UPB1: variants seen among roughly 807,000 people sequenced by gnomAD.
UPB1 encodes the protein beta-ureidopropionase.
Under a neutral mutation model 49.1 loss-of-function variants are expected in UPB1, and 40 were observed. The ratio of observed to expected loss-of-function variants is 0.81; its 90% CI spans 0.63 to 1.06. UPB1 has a LOEUF of 1.06. Among genes scored for constraint, UPB1 ranks in the 50% least tolerant of loss-of-function variants. The probability of loss-of-function intolerance (pLI) is 0.00; values close to 1 mark genes in which losing one functional copy is unlikely to be tolerated. For synonymous variants in UPB1, 207 were observed against 198.2 expected (o/e 1.04, Z -0.38); for missense variants, 499 against 505.9 (o/e 0.99, Z 0.13).
chr22:24,522,943 TAAAA>T (rs747503249), intron 8 of UPB1, among the ~76,000 whole-genome samples: 17 of 66,378 alleles, frequency 2.6e-4, no homozygotes, highest in East Asian at 1.9e-3. Context: ...AAATGCCACC[TAAAA>T]AAAAAAAAAA....
chr22:24,498,936 G>C (rs1046517333), intron 1 of UPB1, among the ~76,000 whole-genome samples: 2 of 152,206 alleles, frequency 1.3e-5, no homozygotes, highest in Non-Finnish European at 2.9e-5. Context: ...ATGTCCACCA[G>C]AGGGGATTTG....
At chr22:24,496,710 A>G (rs1317717395) in intron 1 of UPB1, among the ~76,000 whole-genome samples, 1 of 152,114 alleles carries the variant, frequency 6.6e-6, no homozygotes, top group Non-Finnish European at 1.5e-5. Context: ...AGCAGGTACA[A>G]AAGAGGGCGC....
In UPB1 at chr22:24,496,193, A is replaced by C. The variant is rs529394002; in HGVS notation, c.104+686A>C. Among the ~76,000 whole-genome samples the C allele has an allele frequency of 2.6e-5, 4 of 152,216 alleles. No homozygotes were observed. The South Asian group carries it at 8.3e-4, about 32-fold the overall frequency. ...AGACCGGCCTGGGCAACATAGTGAG[A>C]CACCCATCTCTATAAAGCATTTAAA... On this transcript the variant is annotated intron_variant, in intron 1 of 9. Coordinates refer to ENST00000326010, the MANE Select transcript of UPB1 (RefSeq NM_016327.3).
chr22:24,525,589 A>G (rs980880791), intron 9 of UPB1, 122 bp from the exon 10 acceptor site: 3 of 1,149,520 alleles, frequency 2.6e-6, no homozygotes, highest in Non-Finnish European at 3.9e-6. Flanking sequence ...GTCACTGTCA[A>G]CGAGCCTTCC....
At chr22:24,517,480 C>G (rs553922669) in intron 6 of UPB1, among the ~76,000 whole-genome samples, 2 of 152,184 alleles carry the variant, frequency 1.3e-5, no homozygotes, top group South Asian at 4.1e-4. Context: ...TAGAGGAACC[C>G]GAAGCACTAG....
chr22:24,513,615 G>A, intron 5 of UPB1, 130 bp downstream of exon 5: 1 of 1,292,008 alleles, frequency 7.7e-7, no homozygotes, highest in Non-Finnish European at 1.1e-6. Context: ...CTCCACGGGA[G>A]CACAGTGTGG....
intron 7 of UPB1, among the ~76,000 whole-genome samples, chr22:24,521,345 C>T (rs1453111068): frequency 2.6e-5 from 4 of 151,592 alleles, no homozygotes; most frequent in Non-Finnish European, 5.9e-5. Flanking sequence ...TAGCCGGGCG[C>T]GGTGGTAGGC....
chr22:24,515,026 G>A (rs568931148), intron 5 of UPB1, among the ~76,000 whole-genome samples, 175 bp from the exon 6 acceptor site: 2 of 152,116 alleles, frequency 1.3e-5, no homozygotes, highest in African/African-American at 2.4e-5. Context: ...TGGCTTATTT[G>A]GTGTCAGGGT....
rs1278978338 is a variant in UPB1, at chr22:24,513,377, C to A, written c.513C>A (p.Ser171Arg). Residue 171 changes from serine to arginine, a missense_variant, in exon 5 of 10, where the codon AGC becomes AGA. By Grantham distance (110) the Ser-to-Arg change is moderately radical. Transcript: ENST00000326010. Reference sequence around the variant, plus strand: ...TGTCTCCCATCCTGGAACGAGACAGCGAGCATGGGGATGTTTTGTGGAATA... The same window carrying A: ...TGTCTCCCATCCTGGAACGAGACAGAGAGCATGGGGATGTTTTGTGGAATA... The part of the protein sequence containing the change: ...VVVSPILERD[S>R]EHGDVLWNTA... 1.2e-6 allele frequency: 2 copies of A among 1,614,162 alleles called. No individual in the cohort carries two copies. The highest frequency in any genetic ancestry group is 8.5e-7 in the Non-Finnish European group (1 of 1,180,026).
At chr22:24,511,410 A>T (rs1240456252) in intron 4 of UPB1, among the ~76,000 whole-genome samples, 2 of 152,046 alleles carry the variant, frequency 1.3e-5, no homozygotes, top group African/African-American at 4.8e-5. Flanking sequence ...CTGCTAATGG[A>T]TACAAAGTTT....
chr22:24,521,983 C>T lies in UPB1; in HGVS notation c.874-3C>T, dbSNP rs2044402247. On this transcript the variant is annotated splice_region_variant and splice_polypyrimidine_tract_variant and intron_variant, in intron 7 of 9. Transcript: ENST00000326010. ...TTCCTCTTACCTTGGTCTTATTTCA[C>T]AGGAGCACTTCCCGAACGAGTTTAC... 1 of 1,614,110 alleles carries T rather than the reference C, an allele frequency of 6.2e-7. No homozygotes were observed. Among genetic ancestry groups the T allele is most frequent in the Non-Finnish European group, 8.5e-7 (1 of 1,179,990 alleles).
intron 3 of UPB1, among the ~76,000 whole-genome samples, chr22:24,509,640 T>C (rs1175036549): frequency 6.6e-6 from 1 of 151,948 alleles, no homozygotes; most frequent in Admixed American, 6.6e-5. Flanking sequence ...CCCCAAGGAG[T>C]CAATGGAGCT....
Position 24,513,413 on chromosome 22 carries a change from G to A in UPB1, c.549G>A (p.Val183=), listed in dbSNP as rs1275800553. The A allele has an allele frequency of 6.2e-7, 1 of 1,614,172 alleles. No individual in the cohort carries two copies. The highest frequency in any genetic ancestry group is 8.5e-7 in the Non-Finnish European group (1 of 1,180,026). ...HGDVLWNTAV[V]ISNSGAVLGK... ...ATGTTTTGTGGAATACAGCCGTGGT[G>A]ATCTCCAATTCCGGAGCAGTCCTGG... The change falls in exon 5 of 10, where the codon GTG becomes GTA. Residue 183 remains valine, a synonymous_variant. Coordinates refer to ENST00000326010, the MANE Select transcript of UPB1 (RefSeq NM_016327.3).
chr22:24,523,148 T>C (rs1367105875), intron 8 of UPB1, among the ~76,000 whole-genome samples: 2 of 152,154 alleles, frequency 1.3e-5, no homozygotes, highest in Admixed American at 6.5e-5. Context: ...ATCTGGGCCA[T>C]GCTAGGCCCT....
In UPB1 at chr22:24,495,403, C is replaced by T; in HGVS notation, c.-1C>T. ...GACACAAGCACTGGCGGACCGTGGCCATGGCGGGCGCTGAGTGGAAGTCGC... is the reference window on the plus strand; with the variant it reads ...GACACAAGCACTGGCGGACCGTGGCTATGGCGGGCGCTGAGTGGAAGTCGC... On this transcript the variant is annotated 5_prime_UTR_variant, in exon 1 of 10. Transcript: ENST00000326010. 6.2e-7 allele frequency: 1 copy of T among 1,613,082 alleles called. No individual in the cohort carries two copies. The highest frequency in any genetic ancestry group is 8.5e-7 in the Non-Finnish European group (1 of 1,180,008).
rs73879079 is a variant in UPB1 at position 24,524,111 on chromosome 22, T to C, written c.1071+338T>C. Among the ~76,000 whole-genome samples the C allele has an allele frequency of 2.0e-3, 299 of 152,348 alleles. 2 individuals are homozygous for C. Among genetic ancestry groups the C allele is most frequent in the African/African-American group, 6.8e-3 (282 of 41,574 alleles). On this transcript the variant is annotated intron_variant, in intron 9 of 9. Transcript: ENST00000326010. ...TTTCCTTTCCAGGCATTTGCACTTA[T>C]CACAAGATAAATATGCATGTCTGGT...
chr22:24,501,514 TACCTTGAC>T (rs1369043584), intron 2 of UPB1, among the ~76,000 whole-genome samples: 2 of 152,164 alleles, frequency 1.3e-5, no homozygotes, highest in Non-Finnish European at 2.9e-5. Flanking sequence ...GATGCTGAGT[TACCTTGAC>T]ACTTGGCCCA....
chr22:24,499,580 G>T (rs73879075), intron 1 of UPB1, among the ~76,000 whole-genome samples: 2,231 of 152,100 alleles, frequency 0.015, 53 homozygotes, highest in African/African-American at 0.051. Flanking sequence ...AGCAGGAGCA[G>T]CAGGACAGAG....
chr22:24,514,532 T>C (rs958129303), intron 5 of UPB1, among the ~76,000 whole-genome samples: 1 of 152,100 alleles, frequency 6.6e-6, no homozygotes, highest in African/African-American at 2.4e-5. Flanking sequence ...GGGACCCTGA[T>C]TTGCCCTCTA....
Sources: gnomAD v4.1 joint callset for allele counts (sites outside exome capture counted in the v4.1 genomes callset) on GRCh38, gnomAD v4.1.1 for gene constraint, MANE v1.5 for transcripts, NCBI Gene and HGNC (gene_info 2026-07-23, HGNC 2026-07-21) for gene names.